SCARB1: variants seen among roughly 807,000 people sequenced by gnomAD.
SCARB1 encodes scavenger receptor class B member 1.
SCARB1 carries 30 observed loss-of-function variants against 57.2 expected under a neutral mutation model. The observed-to-expected ratio is 0.52, with a 90% CI of 0.39 to 0.71. The LOEUF is 0.71. Among genes scored for constraint, SCARB1 ranks in the 30% least tolerant of loss-of-function variants. SCARB1 has a pLI of 0.00. For synonymous variants in SCARB1, 249 were observed against 268.3 expected, an observed-to-expected ratio of 0.93 and a Z score of 0.70; for missense variants, 543 against 671.2, an observed-to-expected ratio of 0.81 and a Z score of 2.11.
At chr12:124,793,665 C>G (rs1219582682) in intron 9 of SCARB1, among the ~76,000 whole-genome samples, 1 of 142,042 alleles carries the variant, frequency 7.0e-6, no homozygotes, top group Admixed American at 7.1e-5. Flanking sequence ...TGCACTCCAG[C>G]CTGGGCGACA....
At chr12:124,791,091 C>T (rs1423334750) in intron 9 of SCARB1, among the ~76,000 whole-genome samples, 2 of 152,346 alleles carry the variant, frequency 1.3e-5, no homozygotes, top group South Asian at 2.1e-4. Context: ...GTCTCTCTAG[C>T]GGGCTTCCCT....
chr12:124,838,413 C>T (rs1446977831), intron 1 of SCARB1, among the ~76,000 whole-genome samples: 1 of 152,160 alleles, frequency 6.6e-6, no homozygotes, highest in Non-Finnish European at 1.5e-5. Flanking sequence ...AAGAGGGCAC[C>T]CGGCTATAAA....
intron 7 of SCARB1, among the ~76,000 whole-genome samples, chr12:124,801,086 C>A (rs149935659): frequency 1.5e-4 from 23 of 152,320 alleles, no homozygotes; most frequent in African/African-American, 5.3e-4. Context: ...GTAGTTCCAG[C>A]TACTCAGGAG....
intron 1 of SCARB1, chr12:124,821,584 C>T: frequency 1.0e-6 from 1 of 979,444 alleles, no homozygotes; most frequent in Non-Finnish European, 1.2e-6. Context: ...CCAGCGCAGC[C>T]CTGTCCAACT....
At chr12:124,863,415 G>T (rs1668063872) in intron 1 of SCARB1, among the ~76,000 whole-genome samples, 180 bp downstream of exon 1, 1 of 152,148 alleles carries the variant, frequency 6.6e-6, no homozygotes, top group African/African-American at 2.4e-5. Flanking sequence ...GGTGAGGGTG[G>T]TGGGGAGGCG....
chr12:124,845,266 G>T (rs1165714133), intron 1 of SCARB1, among the ~76,000 whole-genome samples: 1 of 152,140 alleles, frequency 6.6e-6, no homozygotes, highest in Non-Finnish European at 1.5e-5. Flanking sequence ...CAGTGCACCC[G>T]CACCGTGGAG....
chr12:124,859,547 A>G (rs116083442), intron 1 of SCARB1, among the ~76,000 whole-genome samples: 13,709 of 152,224 alleles, frequency 0.09, 693 homozygotes, highest in Middle Eastern at 0.23. Context: ...GAAAAAAAAA[A>G]ATAGCATTAC....
rs1321269433 is a variant in SCARB1 at position 124,800,862 on chromosome 12, A to C, written c.1010-620T>G. ...CACCAGCTCACCCTCGGGACAATGG[A>C]CAACAGGCCTGAAGGACAAGTTAAC... On this transcript the variant is annotated intron_variant, in intron 7 of 12. Coordinates refer to ENST00000261693, the MANE Select transcript of SCARB1 (RefSeq NM_005505.5). The surrounding 1 kb of genome is among the most constrained non-coding windows in gnomAD (Gnocchi z 4.8). Among the ~76,000 whole-genome samples, 1 of 152,206 alleles carries C rather than the reference A, an allele frequency of 6.6e-6. No homozygotes were observed. The highest frequency in any genetic ancestry group is 1.5e-5 in the Non-Finnish European group (1 of 68,038).
intron 8 of SCARB1, among the ~76,000 whole-genome samples, chr12:124,798,185 C>T (rs528775067): frequency 1.7e-4 from 26 of 152,038 alleles, no homozygotes; most frequent in African/African-American, 4.3e-4. Flanking sequence ...CCGAGGTGGA[C>T]GGATCACTTG....
chr12:124,803,982 C>T (rs571773447), intron 7 of SCARB1, among the ~76,000 whole-genome samples: 8 of 152,278 alleles, frequency 5.3e-5, no homozygotes, highest in African/African-American at 1.7e-4. Context: ...TAAGAGAAGG[C>T]GGGACACACC....
chr12:124,798,785 A>C lies in SCARB1; in HGVS notation c.1128+1339T>G, dbSNP rs529786315. Among the ~76,000 whole-genome samples, 16 of 151,586 alleles carry C rather than the reference A, an allele frequency of 1.1e-4. No homozygotes were observed. In the South Asian group the frequency reaches 2.3e-3, roughly 22 times the overall value. On this transcript the variant is annotated intron_variant, in intron 8 of 12. Coordinates refer to ENST00000261693, the MANE Select transcript of SCARB1 (RefSeq NM_005505.5). ...CTTGAACCCGGGAGGCGGAGGTTGC[A>C]GTGAGCCGAGATCGTGCCACTGCAC... is the stretch of plus-strand genomic sequence containing the variant.
intron 1 of SCARB1, among the ~76,000 whole-genome samples, chr12:124,825,187 T>TGCAGTCC (rs1258570626): frequency 5.5e-5 from 7 of 127,040 alleles, no homozygotes; most frequent in African/African-American, 2.2e-4. Context: ...ATTGCGCCAC[T>TGCAGTCC]GCACTCCAGC....
chr12:124,854,041 C>T (rs368859190), intron 1 of SCARB1, among the ~76,000 whole-genome samples: 2 of 152,304 alleles, frequency 1.3e-5, no homozygotes, highest in South Asian at 2.1e-4. Context: ...CCTCACAGTC[C>T]GACATTCTCA....
At chr12:124,804,864 C>A (rs764733788) in intron 7 of SCARB1, among the ~76,000 whole-genome samples, 2 of 152,216 alleles carry the variant, frequency 1.3e-5, no homozygotes, top group Admixed American at 1.3e-4. Context: ...GGGCCGCTTC[C>A]GGTCCTACCA....
In SCARB1 at chr12:124,796,230, C is replaced by T. The variant is rs952338756; in HGVS notation, c.1129-962G>A. Among the ~76,000 whole-genome samples, 10 of 152,184 alleles carry T rather than the reference C, an allele frequency of 6.6e-5. No homozygotes were observed. Among genetic ancestry groups the T allele is most frequent in the Non-Finnish European group, 8.8e-5 (6 of 68,032 alleles). ...TGGCCTCCCAAAGTGGGATTACAGG[C>T]GTGAGCCACCACACCCAGCCTATTT... On this transcript the variant is annotated intron_variant, in intron 8 of 12. Transcript: ENST00000261693. This position sits in a 1 kb window ranked among gnomAD's most constrained non-coding sequence, Gnocchi z 4.0.
At chr12:124,786,248 G>C in intron 11 of SCARB1, 109 bp downstream of exon 11, 1 of 1,599,578 alleles carries the variant, frequency 6.3e-7, no homozygotes, top group Non-Finnish European at 8.5e-7. Flanking sequence ...ACTGCTGCTG[G>C]AGGTGGGCTC....
chr12:124,819,361 T>C (rs1261766956), intron 1 of SCARB1, among the ~76,000 whole-genome samples: 1 of 152,100 alleles, frequency 6.6e-6, no homozygotes, highest in Non-Finnish European at 1.5e-5. Flanking sequence ...AACACAGAAG[T>C]TTTCCATGAA....
chr12:124,846,275 G>A (rs747470096), intron 1 of SCARB1, among the ~76,000 whole-genome samples: 3 of 152,210 alleles, frequency 2.0e-5, no homozygotes, highest in East Asian at 1.9e-4. Context: ...GATTGGAAAC[G>A]CTGCAACCAC....
intron 11 of SCARB1, chr12:124,783,718 T>A (rs1949403532): frequency 6.6e-6 from 1 of 151,896 alleles, no homozygotes; most frequent in Admixed American, 6.6e-5. Flanking sequence ...AGGTGGAGGT[T>A]GCAGTGAGCC....
Sources: gnomAD v4.1 joint callset for allele counts (sites outside exome capture counted in the v4.1 genomes callset) on GRCh38, gnomAD v4.1.1 for gene constraint, Gnocchi (gnomAD v3.1) non-coding constraint, MANE v1.5 for transcripts, NCBI Gene and HGNC (gene_info 2026-07-23, HGNC 2026-07-21) for gene names.